ZNF385B: variants seen among roughly 807,000 people sequenced by gnomAD.
ZNF385B encodes the protein zinc finger protein 385B, also known as zinc finger protein 533.
In ZNF385B, 23 loss-of-function variants were observed where a neutral mutation model predicts 39.2. The ratio of observed to expected loss-of-function variants is 0.59; its 90% confidence interval spans 0.42 to 0.83. The LOEUF (loss-of-function observed/expected upper bound fraction) is 0.83, where lower values mean the gene tolerates loss of function less well. ZNF385B is among the 40% of genes least tolerant of loss of function. The pLI is 0.00. For synonymous variants in ZNF385B, 205 were observed against 222.6 expected (o/e 0.92, Z 0.70); for missense variants, 552 against 598.9 (o/e 0.92, Z 0.82).
chr2:179,814,263 C>T (rs1328851373), intron 1 of ZNF385B: 9 of 235,612 alleles, frequency 3.8e-5, no homozygotes, highest in Non-Finnish European at 6.0e-5. Context: ...GTCACACATG[C>T]TCCTGCACCT....
chr2:179,568,353 A>G (rs913905796), intron 3 of ZNF385B, among the ~76,000 whole-genome samples: 1 of 152,312 alleles, frequency 6.6e-6, no homozygotes, highest in South Asian at 2.1e-4. Context: ...TTACTTGTTC[A>G]TTATCTCCTG....
intron 3 of ZNF385B, among the ~76,000 whole-genome samples, chr2:179,724,145 C>T (rs777134977): frequency 5.3e-5 from 8 of 151,970 alleles, no homozygotes; most frequent in East Asian, 1.9e-4. Context: ...CCCATCTCTA[C>T]GAAAAATACA....
intron 3 of ZNF385B, among the ~76,000 whole-genome samples, chr2:179,645,982 G>C (rs74879221): frequency 6.6e-6 from 1 of 152,150 alleles, no homozygotes; most frequent in African/African-American, 2.4e-5. Context: ...GGTATAATCT[G>C]TCTCCTTCTT....
At chr2:179,597,028 C>T (rs1446452427) in intron 3 of ZNF385B, among the ~76,000 whole-genome samples, 22 of 152,160 alleles carry the variant, frequency 1.4e-4, no homozygotes, top group Non-Finnish European at 2.9e-4. Context: ...GATCTATCTC[C>T]ATTCTTTCAG....
At position 179,490,618 on chromosome 2, in the gene ZNF385B, T is replaced by TAA. The variant is rs35391425; in HGVS notation, c.553-7186_553-7185dup. 2.2e-3 allele frequency among the ~76,000 whole-genome samples: 323 copies of TAA among 148,300 alleles called. 2 individuals are homozygous for TAA. Among genetic ancestry groups the TAA allele is most frequent in the African/African-American group, 6.6e-3 (266 of 40,250 alleles). On this transcript the variant is annotated intron_variant, in intron 5 of 9. Transcript: ENST00000410066. ...GAGTTAAAAATCAGCTGGAATATAGTAAAAAAAAAAAAGTGCTTTTAAAAA... is the reference window on the plus strand; with the variant it reads ...GAGTTAAAAATCAGCTGGAATATAGTAAAAAAAAAAAAAAGTGCTTTTAAAAA...
intron 3 of ZNF385B, among the ~76,000 whole-genome samples, chr2:179,760,219 T>TGTGC (rs1553525635): frequency 4.6e-4 from 52 of 114,266 alleles, no homozygotes; most frequent in South Asian, 2.8e-3. Context: ...TGGATTCCTG[T>TGTGC]GTGCGTGTGT....
At chr2:179,809,958 A>G (rs1169428211) in intron 1 of ZNF385B, among the ~76,000 whole-genome samples, 1 of 152,070 alleles carries the variant, frequency 6.6e-6, no homozygotes, top group Non-Finnish European at 1.5e-5. Flanking sequence ...ATAATAATGA[A>G]AAGAGTGAGG....
intron 3 of ZNF385B, among the ~76,000 whole-genome samples, chr2:179,767,029 A>G (rs2106498780): frequency 6.6e-6 from 1 of 152,286 alleles, no homozygotes; most frequent in South Asian, 2.1e-4. Flanking sequence ...TTCTGACCTC[A>G]ATCCCCCAGC....
chr2:179,537,768 A>AC lies in ZNF385B; in HGVS notation c.441+7058_441+7059insG, dbSNP rs796245911. ...AAACAAACAAACAAACAAACAAACA[A>AC]AAAAAAAAATTAATAGAAATGTAAA... On this transcript the variant is annotated intron_variant, in intron 4 of 9. Coordinates refer to ENST00000410066, the MANE Select transcript of ZNF385B (RefSeq NM_152520.6). Among the ~76,000 whole-genome samples the AC allele has an allele frequency of 2.4e-3, 168 of 68,786 alleles. 2 individuals are homozygous for AC. The highest frequency in any genetic ancestry group is 0.013 in the African/African-American group (156 of 12,340). 45.1% of individuals were successfully genotyped at this position (68,786 alleles called of 152,430 possible).
At chr2:179,470,013 C>G (rs780173022) in intron 6 of ZNF385B, among the ~76,000 whole-genome samples, 1 of 152,132 alleles carries the variant, frequency 6.6e-6, no homozygotes, top group Non-Finnish European at 1.5e-5. Flanking sequence ...AACTGACAAG[C>G]GGCCGCCTGA....
At chr2:179,856,571 T>C (rs1472983736) in intron 1 of ZNF385B, among the ~76,000 whole-genome samples, 1 of 138,634 alleles carries the variant, frequency 7.2e-6, no homozygotes, top group African/African-American at 2.7e-5. Context: ...AGGTGGGGCA[T>C]AGAGTCAGCC....
At position 179,757,311 on chromosome 2, in the gene ZNF385B, C is replaced by T. The variant is rs530395255; in HGVS notation, c.298+12192G>A. 5.3e-5 allele frequency among the ~76,000 whole-genome samples: 8 copies of T among 152,328 alleles called. No individual in the cohort carries two copies. In the East Asian group the frequency reaches 1.4e-3, roughly 26 times the overall value. On this transcript the variant is annotated intron_variant, in intron 3 of 9. Coordinates refer to ENST00000410066, the MANE Select transcript of ZNF385B (RefSeq NM_152520.6). ...TGAACAGCAAATGTTGCTGCCTGAT[C>T]GTTCCTCTGGAAGCTTTGTCTCAGA...
chr2:179,780,958 G>A (rs1386179307), intron 1 of ZNF385B, among the ~76,000 whole-genome samples: 2 of 152,098 alleles, frequency 1.3e-5, no homozygotes, highest in Non-Finnish European at 2.9e-5. Context: ...TGAACAAAAT[G>A]CCCAGTCAAC....
chr2:179,637,061 T>A (rs925068817), intron 3 of ZNF385B, among the ~76,000 whole-genome samples: 1 of 152,232 alleles, frequency 6.6e-6, no homozygotes, highest in Non-Finnish European at 1.5e-5. Context: ...GTTATTATTT[T>A]GATTAGTACT....
intron 3 of ZNF385B, among the ~76,000 whole-genome samples, chr2:179,607,107 G>T (rs909818335): frequency 6.6e-5 from 10 of 152,160 alleles, no homozygotes; most frequent in Non-Finnish European, 1.5e-4. Flanking sequence ...TATCAAAATA[G>T]ACGTGTGCAG....
In ZNF385B at chr2:179,544,863, A is replaced by G. The variant is rs1445837764; in HGVS notation, c.405T>C (p.Ser135=). ...IKPFMSFPVD[S]SSAVGLFPNF... Reference sequence around the variant, plus strand: ...TTGGAAAGAGCCCAACAGCAGAACTACTGTCCACTGGAAAAGACATAAATG... The same window carrying G: ...TTGGAAAGAGCCCAACAGCAGAACTGCTGTCCACTGGAAAAGACATAAATG... Residue 135 remains serine (S), a synonymous_variant, in exon 4 of 10, where the codon AGT becomes AGC. Transcript: ENST00000410066. 6.2e-7 allele frequency: 1 copy of G among 1,614,158 alleles called. No homozygotes were observed.
At chr2:179,662,181 T>C (rs1455298318) in intron 3 of ZNF385B, among the ~76,000 whole-genome samples, 1 of 152,098 alleles carries the variant, frequency 6.6e-6, no homozygotes, top group Non-Finnish European at 1.5e-5. Context: ...TAACCACAAG[T>C]GGAGGAAGCT....
At chr2:179,652,723 T>C (rs1230214074) in intron 3 of ZNF385B, among the ~76,000 whole-genome samples, 1 of 151,878 alleles carries the variant, frequency 6.6e-6, no homozygotes, top group African/African-American at 2.4e-5. Context: ...ATACTAACCA[T>C]AGTAGATGAT....
At chr2:179,463,328 T>G (rs938504098) in intron 6 of ZNF385B, among the ~76,000 whole-genome samples, 1 of 140,984 alleles carries the variant, frequency 7.1e-6, no homozygotes, top group Non-Finnish European at 1.5e-5. Context: ...AAAAGGTGTA[T>G]GCTTCCACTT....
Sources: gnomAD v4.1 joint callset for allele counts (sites outside exome capture counted in the v4.1 genomes callset) on GRCh38, gnomAD v4.1.1 for gene constraint, MANE v1.5 for transcripts, NCBI Gene and HGNC (gene_info 2026-07-23, HGNC 2026-07-21) for gene names.